The following FANCD2OS variants were observed in gnomAD, a reference collection of about 807,000 sequenced individuals.
FANCD2OS encodes FANCD2 opposite strand protein.
Under a neutral mutation model 13.2 loss-of-function variants are expected in FANCD2OS, and 11 were observed. That is an observed-to-expected ratio of 0.83 (90% CI 0.52 to 1.38). The LOEUF is 1.38. Among genes scored for constraint, FANCD2OS ranks in the 40% most tolerant of loss-of-function variants. The probability of loss-of-function intolerance (pLI) is 0.00; values close to 1 mark genes in which losing one functional copy is unlikely to be tolerated. For missense variants in FANCD2OS, 217 were observed against 213.9 expected, an observed-to-expected ratio of 1.01 and a Z score of -0.09; for synonymous variants, 69 against 84.5, an observed-to-expected ratio of 0.82 and a Z score of 1.01.
intron 2 of FANCD2OS, among the ~76,000 whole-genome samples, chr3:10,089,697 A>G (rs34417922): frequency 3.7e-4 from 56 of 152,160 alleles, no homozygotes; most frequent in Non-Finnish European, 6.5e-4. Flanking sequence ...CTTGAACCCA[A>G]CCTCAGGTGA....
chr3:10,093,358 T>C, intron 2 of FANCD2OS: 1 of 1,558,480 alleles, frequency 6.4e-7, no homozygotes, highest in Non-Finnish European at 8.9e-7. Flanking sequence ...TCATATTTAT[T>C]CTTCCTGTGG....
At chr3:10,091,385 C>A in intron 2 of FANCD2OS, among the ~76,000 whole-genome samples, 1 of 150,120 alleles carries the variant, frequency 6.7e-6, no homozygotes, top group Non-Finnish European at 1.5e-5. Flanking sequence ...CTGGCATAAA[C>A]CAGTGCAGCC....
At chr3:10,095,314 G>T in intron 2 of FANCD2OS, 1 of 1,532,842 alleles carries the variant, frequency 6.5e-7, no homozygotes, top group East Asian at 2.3e-5. Flanking sequence ...CCTGCCTGTT[G>T]GCTTAATCTG....
chr3:10,092,242 A>G (rs768845755), intron 2 of FANCD2OS: 1 of 1,612,544 alleles, frequency 6.2e-7, no homozygotes. Flanking sequence ...ATCCTCATCA[A>G]CTTGATAAAG....
intron 2 of FANCD2OS, among the ~76,000 whole-genome samples, chr3:10,092,678 T>C (rs1203321750): frequency 2.0e-5 from 3 of 146,496 alleles, no homozygotes; most frequent in Admixed American, 6.9e-5. Context: ...TCCACCTCTT[T>C]CATGTCTTTT....
At position 10,096,263 on chromosome 3, in the gene FANCD2OS, A is replaced by G. The variant is rs1009506001; in HGVS notation, c.*43+7935T>C. 9.0e-6 allele frequency: 14 copies of G among 1,553,260 alleles called. No individual in the cohort carries two copies. The East Asian group carries it at 1.3e-4, about 15-fold the overall frequency. ...TCTTATTCAACATTCAAAGGTTTCT[A>G]TAAGAAATGTGAAGGCATGATGATA... On this transcript the variant is annotated intron_variant, in intron 2 of 2. Coordinates refer to the FANCD2OS transcript ENST00000524279.
chr3:10,094,967 A>G (rs780505740), intron 2 of FANCD2OS: 1 of 547,338 alleles, frequency 1.8e-6, no homozygotes, highest in Non-Finnish European at 3.3e-6. Context: ...CCTATGTAAA[A>G]CTAAAATGCA....
chr3:10,105,111 C>T (rs1559414740), intron 1 of FANCD2OS, among the ~76,000 whole-genome samples: 2 of 152,146 alleles, frequency 1.3e-5, no homozygotes, highest in Admixed American at 6.5e-5. Context: ...CTCGGCCTCC[C>T]AAAGTGCTGG....
At chr3:10,091,471 CAAAAAGAAAAA>C (rs1007756349) in intron 2 of FANCD2OS, among the ~76,000 whole-genome samples, 2 of 147,286 alleles carry the variant, frequency 1.4e-5, no homozygotes, top group African/African-American at 5.0e-5. Context: ...GACCCTGTCT[CAAAAAGAAAAA>C]AAAAAGAAAA....
At chr3:10,085,127 C>A (rs1209512389) in intron 2 of FANCD2OS, among the ~76,000 whole-genome samples, 1 of 152,112 alleles carries the variant, frequency 6.6e-6, no homozygotes, top group Non-Finnish European at 1.5e-5. Context: ...AGCAGTTTGA[C>A]AAAATTATTC....
chr3:10,098,764 TGAGA>T, downstream of FANCD2OS: 1 of 1,614,030 alleles, frequency 6.2e-7, no homozygotes, highest in Non-Finnish European at 8.5e-7. Flanking sequence ...GCACAGCAGA[TGAGA>T]GTGAGGATGA....
chr3:10,099,128 AAGT>A, downstream of FANCD2OS: 1 of 1,482,618 alleles, frequency 6.7e-7, no homozygotes, highest in South Asian at 1.4e-5. Context: ...GAAGTCATCG[AAGT>A]ATTTTCTGAG....
At chr3:10,107,593 A>C (rs1390830032) in intron 1 of FANCD2OS, among the ~76,000 whole-genome samples, 1 of 151,082 alleles carries the variant, frequency 6.6e-6, no homozygotes, top group Non-Finnish European at 1.5e-5. Context: ...GGCCCCCCGG[A>C]TCCTTTTCTT....
intron 2 of FANCD2OS, among the ~76,000 whole-genome samples, chr3:10,085,578 G>A (rs978768390): frequency 6.6e-6 from 1 of 151,862 alleles, no homozygotes; most frequent in African/African-American, 2.4e-5. Context: ...TTTTAGTAGA[G>A]ACGGGATTTC....
intron 2 of FANCD2OS, among the ~76,000 whole-genome samples, chr3:10,095,980 G>T (rs1694935134): frequency 6.6e-6 from 1 of 151,608 alleles, no homozygotes; most frequent in African/African-American, 2.4e-5. Flanking sequence ...CTCCCGGCTG[G>T]ACAGTGAATG....
At chr3:10,082,432 C>T (rs895303759) in intron 2 of FANCD2OS, among the ~76,000 whole-genome samples, 2 of 152,112 alleles carry the variant, frequency 1.3e-5, no homozygotes, top group African/African-American at 2.4e-5. Context: ...CTAACATAAA[C>T]CCAGTTTGAT....
rs1392528655 is a variant in FANCD2OS, at chr3:10,108,193, C to G, written c.-187G>C. 1 of 152,282 alleles carries G rather than the reference C, an allele frequency of 6.6e-6. No individual in the cohort carries two copies. Among genetic ancestry groups the G allele is most frequent in the Admixed American group, 6.5e-5 (1 of 15,278 alleles). The allele number at this position is 152,282 out of a possible 1,614,324, so 9.4% of individuals were successfully genotyped here. The stretch of plus-strand genomic sequence containing the variant: ...ACCAGAAGGTTCTGGCTGAGGCGGA[C>G]GATGCGGTGGGAACCTGGGCCCAGT... On this transcript the variant is annotated 5_prime_UTR_variant, in exon 1 of 2. Coordinates refer to ENST00000450660, the MANE Select transcript of FANCD2OS (RefSeq NM_001164839.2).
At chr3:10,090,745 A>C (rs1694553721) in intron 2 of FANCD2OS, among the ~76,000 whole-genome samples, 1 of 152,220 alleles carries the variant, frequency 6.6e-6, no homozygotes, top group Non-Finnish European at 1.5e-5. Context: ...GACGTGCGCC[A>C]CTGCGCCCGG....
chr3:10,107,469 G>A (rs1027928238), intron 1 of FANCD2OS, among the ~76,000 whole-genome samples: 3 of 151,756 alleles, frequency 2.0e-5, no homozygotes, highest in Non-Finnish European at 4.4e-5. Context: ...TGTATTTTCA[G>A]TAGAGACAGG....
Sources: gnomAD v4.1 joint callset for allele counts (sites outside exome capture counted in the v4.1 genomes callset) on GRCh38, gnomAD v4.1.1 for gene constraint, MANE v1.5 for transcripts, NCBI Gene and HGNC (gene_info 2026-07-23, HGNC 2026-07-21) for gene names.